The following FRMD4A variants were observed in gnomAD, a reference collection of about 807,000 sequenced individuals.
The protein encoded by FRMD4A is FERM domain-containing protein 4A.
FRMD4A carries 29 observed loss-of-function variants against 129.1 expected under a neutral mutation model. The observed-to-expected ratio is 0.22, with a 90% confidence interval of 0.17 to 0.31. The LOEUF (loss-of-function observed/expected upper bound fraction) is 0.31. Ranked by LOEUF, FRMD4A falls within the 10% of genes least tolerant of loss-of-function variation. The pLI is 1.00. For synonymous variants in FRMD4A, 634 were observed against 571.6 expected, an observed-to-expected ratio of 1.11 and a Z score of -1.56; for missense variants, 1,272 against 1,375.8, an observed-to-expected ratio of 0.92 and a Z score of 1.19.
intron 3 of FRMD4A, among the ~76,000 whole-genome samples, chr10:13,826,489 T>G (rs2093703051): frequency 6.6e-6 from 1 of 152,182 alleles, no homozygotes; most frequent in Admixed American, 6.5e-5. Flanking sequence ...TCTTTGGGGT[T>G]AAAATTCCAT....
intron 2 of FRMD4A, among the ~76,000 whole-genome samples, chr10:13,886,508 A>C (rs2094623081): frequency 6.6e-6 from 1 of 152,228 alleles, no homozygotes. Context: ...AAAAGTTTTG[A>C]CACAGGTGGG....
At position 13,646,198 on chromosome 10, in the gene FRMD4A, TAG is replaced by T. The variant is rs2134303169; in HGVS notation, c.*838_*839del. 6.6e-6 allele frequency: 1 copy of T among 152,636 alleles called. No individual in the cohort carries two copies. 9.5% of individuals were successfully genotyped at this position (152,636 alleles called of 1,614,324 possible). A position where few individuals can be genotyped will look rare whatever the true frequency, so the allele number is the denominator to read the frequency against. On this transcript the variant is annotated 3_prime_UTR_variant, in exon 25 of 25. Coordinates refer to ENST00000357447, the MANE Select transcript of FRMD4A (RefSeq NM_018027.5). The stretch of plus-strand genomic sequence containing the variant: ...GAAGTGGGCCAGTAAGGGAGAGGGC[TAG>T]AGAGAGGACACCAGTTTACATAGGG...
intron 8 of FRMD4A, among the ~76,000 whole-genome samples, chr10:13,750,775 G>A (rs1295796732): frequency 6.6e-6 from 1 of 152,162 alleles, no homozygotes; most frequent in East Asian, 1.9e-4. Flanking sequence ...GAGGCAGACA[G>A]CAGGACAGCA....
At chr10:14,318,329 C>T (rs2400066) in intron 2 of FRMD4A, among the ~76,000 whole-genome samples, 33,800 of 144,692 alleles carry the variant, frequency 0.23, 4,778 homozygotes, top group Admixed American at 0.29. Flanking sequence ...CCCCCCCCAC[C>T]TTTTTTTTTT....
chr10:13,742,349 C>A (rs747705), intron 9 of FRMD4A, among the ~76,000 whole-genome samples: 2,064 of 152,244 alleles, frequency 0.014, 81 homozygotes, highest in South Asian at 0.12. Context: ...ACCCCACCTG[C>A]TGAGGTGTGG....
chr10:13,663,906 C>T (rs1286372905), intron 18 of FRMD4A, among the ~76,000 whole-genome samples: 6 of 152,202 alleles, frequency 3.9e-5, no homozygotes, highest in Admixed American at 6.5e-5. Flanking sequence ...TCTACAAATG[C>T]GAAACCAGGG....
rs146347611 is a variant in FRMD4A, at chr10:14,153,216, G to A, written c.45+176842C>T. ...GAGAAGTGAGGGCTTAGATTCAAAC[G>A]AATTCAATTTAATAGAATAAAGACA... On this transcript the variant is annotated intron_variant, in intron 2 of 24. Coordinates refer to ENST00000357447, the MANE Select transcript of FRMD4A (RefSeq NM_018027.5). Among the ~76,000 whole-genome samples, 433 of 152,282 alleles carry A rather than the reference G, an allele frequency of 2.8e-3. 2 individuals carry two copies. The highest frequency in any genetic ancestry group is 4.9e-3 in the Non-Finnish European group (335 of 68,024).
At chr10:13,833,902 G>A (rs764962640) in intron 3 of FRMD4A, among the ~76,000 whole-genome samples, 2 of 152,080 alleles carry the variant, frequency 1.3e-5, no homozygotes, top group African/African-American at 2.4e-5. Flanking sequence ...TAAAAGTTAA[G>A]TCCAAAGTGG....
intron 2 of FRMD4A, among the ~76,000 whole-genome samples, chr10:14,249,103 C>A (rs1844343462): frequency 6.6e-6 from 1 of 152,102 alleles, no homozygotes; most frequent in Non-Finnish European, 1.5e-5. Context: ...GTAATCCCAG[C>A]ACTTTGGGAG....
At chr10:14,214,553 C>T (rs1396951534) in intron 2 of FRMD4A, among the ~76,000 whole-genome samples, 1 of 152,202 alleles carries the variant, frequency 6.6e-6, no homozygotes, top group Non-Finnish European at 1.5e-5. Context: ...ACTTAATATA[C>T]ATTATCTTGT....
intron 21 of FRMD4A, 141 bp from the exon 22 acceptor site, chr10:13,657,663 T>G (rs1318776624): frequency 8.2e-7 from 1 of 1,221,726 alleles, no homozygotes; most frequent in Non-Finnish European, 1.1e-6. Context: ...AGAGTCTCAC[T>G]CAGCAGGGCT....
At chr10:14,250,421 T>A (rs1401181118) in intron 2 of FRMD4A, among the ~76,000 whole-genome samples, 2 of 152,248 alleles carry the variant, frequency 1.3e-5, no homozygotes, top group African/African-American at 4.8e-5. Flanking sequence ...TTGCCTCCTC[T>A]ACTTTTTACA....
At chr10:14,096,810 G>C (rs189671067) in intron 2 of FRMD4A, among the ~76,000 whole-genome samples, 4 of 152,246 alleles carry the variant, frequency 2.6e-5, no homozygotes, top group Admixed American at 2.0e-4. Context: ...ATTATGTTTA[G>C]CTGCATTACA....
intron 15 of FRMD4A, chr10:13,675,527 G>A (rs113625395): frequency 0.057 from 8,712 of 154,002 alleles, 269 homozygotes; most frequent in African/African-American, 0.071. Context: ...TCAGCCTCCC[G>A]AGTAGCTGGG....
intron 5 of FRMD4A, among the ~76,000 whole-genome samples, chr10:13,790,446 T>C (rs2092972933): frequency 6.6e-6 from 1 of 151,692 alleles, no homozygotes. Context: ...CAGGGGAAGG[T>C]GCAGGGAGAG....
At chr10:14,207,020 C>A (rs1842803576) in intron 2 of FRMD4A, among the ~76,000 whole-genome samples, 1 of 151,944 alleles carries the variant, frequency 6.6e-6, no homozygotes, top group South Asian at 2.1e-4. Flanking sequence ...CCTACGAAGA[C>A]TTCTGCCCAA....
chr10:13,662,809 T>TA (rs2082734160), intron 19 of FRMD4A, among the ~76,000 whole-genome samples: 1 of 152,216 alleles, frequency 6.6e-6, no homozygotes, highest in African/African-American at 2.4e-5. Context: ...CTAGTGGGTT[T>TA]CAATCTTTGA....
At chr10:14,124,781 T>C (rs1838737123) in intron 2 of FRMD4A, among the ~76,000 whole-genome samples, 1 of 152,170 alleles carries the variant, frequency 6.6e-6, no homozygotes, top group Non-Finnish European at 1.5e-5. Context: ...GGGTGACTGA[T>C]CACCAAACGG....
At chr10:13,671,318 G>T (rs2083488844) in intron 16 of FRMD4A, among the ~76,000 whole-genome samples, 3 of 152,156 alleles carry the variant, frequency 2.0e-5, no homozygotes, top group African/African-American at 7.2e-5. Flanking sequence ...GCTGGGCGTG[G>T]TGGTAAGCAC....
Sources: gnomAD v4.1 joint callset for allele counts (sites outside exome capture counted in the v4.1 genomes callset) on GRCh38, gnomAD v4.1.1 for gene constraint, MANE v1.5 for transcripts, NCBI Gene and HGNC (gene_info 2026-07-23, HGNC 2026-07-21) for gene names.